The following FHAD1 variants were observed in gnomAD, a reference collection of about 807,000 sequenced individuals.
FHAD1 encodes forkhead associated phosphopeptide binding domain 1.
A neutral mutation model predicts 191.3 loss-of-function variants in FHAD1; 146 were observed. The ratio of observed to expected loss-of-function variants is 0.76; its 90% CI spans 0.67 to 0.88. The LOEUF is 0.88. FHAD1 is among the 40% of genes least tolerant of loss of function. The pLI, the probability that FHAD1 is intolerant of heterozygous loss-of-function variation, is 0.00. For missense variants in FHAD1, 1,635 were observed against 1,785.8 expected, an observed-to-expected ratio of 0.92 and a Z score of 1.52; for synonymous variants, 616 against 672.3, an observed-to-expected ratio of 0.92 and a Z score of 1.29.
At chr1:15,326,093 CTCCTGGCA>C (rs1371895948) in intron 11 of FHAD1, 1 of 152,388 alleles carries the variant, frequency 6.6e-6, no homozygotes, top group Non-Finnish European at 1.5e-5. Context: ...ACCTGGTCTT[CTCCTGGCA>C]GGGTCACTGC....
Position 15,339,503 on chromosome 1 carries a change from T to C in FHAD1, c.1929T>C (p.Tyr643=). 7.8e-7 allele frequency: 1 copy of C among 1,282,162 alleles called. No individual in the cohort carries two copies. Among genetic ancestry groups the C allele is most frequent in the Non-Finnish European group, 1.0e-6 (1 of 974,294 alleles). The allele number at this position is 1,282,162 out of a possible 1,614,324, so 79.4% of individuals were successfully genotyped here. A position where few individuals can be genotyped will look rare whatever the true frequency, so the allele number is the denominator to read the frequency against. Reference sequence around the variant, plus strand: ...AAGGGTTCTCTTTGTATCTGATATATCTTCTGGAACATTATAAAAAACTTA... The same window carrying C: ...AAGGGTTCTCTTTGTATCTGATATACCTTCTGGAACATTATAAAAAACTTA... ...PNKGFSLYLI[Y]LLEHYKKLMS... The change falls in exon 15 of 34, where the codon TAT becomes TAC. Residue 643 remains tyrosine, a synonymous_variant. Transcript: ENST00000688493.
chr1:15,334,899 A>G (rs1558145217), intron 14 of FHAD1, among the ~76,000 whole-genome samples: 1 of 152,150 alleles, frequency 6.6e-6, no homozygotes, highest in Non-Finnish European at 1.5e-5. Flanking sequence ...CCTCCTCCTT[A>G]GAATCTGACA....
chr1:15,399,692 T>C (rs2103252104), downstream of FHAD1, among the ~76,000 whole-genome samples: 1 of 152,258 alleles, frequency 6.6e-6, no homozygotes, highest in South Asian at 2.1e-4. Flanking sequence ...TCCCCAAATA[T>C]AGAGCTGAGA....
At chr1:15,291,699 T>C (rs1558020408) in intron 4 of FHAD1, among the ~76,000 whole-genome samples, 1 of 152,184 alleles carries the variant, frequency 6.6e-6, no homozygotes, top group Non-Finnish European at 1.5e-5. Context: ...AGGATGGCTG[T>C]AGTTCAGGGA....
intron 9 of FHAD1, among the ~76,000 whole-genome samples, chr1:15,317,405 A>G (rs573790559): frequency 5.9e-5 from 9 of 151,938 alleles, no homozygotes; most frequent in African/African-American, 2.2e-4. Flanking sequence ...GGAACATTTT[A>G]CTCTCTGCCT....
chr1:15,336,694 TC>T (rs1684267666), intron 14 of FHAD1, among the ~76,000 whole-genome samples: 2 of 152,208 alleles, frequency 1.3e-5, no homozygotes, highest in Admixed American at 1.3e-4. Flanking sequence ...TCACCTGTGA[TC>T]TTTAAGAAGC....
intron 3 of FHAD1, among the ~76,000 whole-genome samples, chr1:15,284,458 G>T (rs898125589): frequency 7.5e-6 from 1 of 133,688 alleles, no homozygotes; most frequent in East Asian, 2.2e-4. Context: ...CAGCCTGGGC[G>T]ACAGAGCGAG....
intron 33 of FHAD1, among the ~76,000 whole-genome samples, chr1:15,395,274 G>A (rs1463475853): frequency 6.9e-6 from 1 of 145,106 alleles, no homozygotes; most frequent in Non-Finnish European, 1.5e-5. Flanking sequence ...CGCCACTGCA[G>A]TCCAGCCTGG....
chr1:15,369,215 A>C (rs1409348130), intron 25 of FHAD1, among the ~76,000 whole-genome samples, 155 bp from the exon 26 acceptor site: 2 of 152,226 alleles, frequency 1.3e-5, no homozygotes, highest in Non-Finnish European at 2.9e-5. Flanking sequence ...AAGTCCCCTG[A>C]AACTGAATTC....
At chr1:15,274,275 A>C (rs1271934382) in intron 3 of FHAD1, among the ~76,000 whole-genome samples, 3 of 152,204 alleles carry the variant, frequency 2.0e-5, no homozygotes, top group Non-Finnish European at 4.4e-5. Flanking sequence ...AAAGATGTCC[A>C]ACCTTCACTT....
chr1:15,278,686 C>A (rs952578413), intron 3 of FHAD1, among the ~76,000 whole-genome samples: 1 of 152,070 alleles, frequency 6.6e-6, no homozygotes, highest in African/African-American at 2.4e-5. Context: ...GCTGGCCAGG[C>A]TGGTCTGGAA....
intron 20 of FHAD1, among the ~76,000 whole-genome samples, chr1:15,356,170 A>T (rs1335416275): frequency 3.9e-5 from 6 of 152,224 alleles, no homozygotes; most frequent in Non-Finnish European, 5.9e-5. Context: ...ACGATGTGTC[A>T]ACCTTAAATA....
rs114890246 is a variant in FHAD1, at chr1:15,332,043, G to A, written c.1906+2502G>A. Reference sequence around the variant, plus strand: ...TTCCACAATGAATAAGAATAGAGAAGTGATTTTCAACCCTGGCACTTCAAC... The same window carrying A: ...TTCCACAATGAATAAGAATAGAGAAATGATTTTCAACCCTGGCACTTCAAC... On this transcript the variant is annotated intron_variant, in intron 14 of 33. Transcript: ENST00000688493. Among the ~76,000 whole-genome samples, 1,152 of 152,332 alleles carry A rather than the reference G, an allele frequency of 7.6e-3. 16 individuals are homozygous for A. The highest frequency in any genetic ancestry group is 0.027 in the African/African-American group (1,111 of 41,560).
chr1:15,341,706 C>T lies in FHAD1; in HGVS notation c.1978-30C>T, dbSNP rs1569765449. 3 of 1,534,504 alleles carry T rather than the reference C, an allele frequency of 2.0e-6. 1 individual carries two copies. The highest frequency in any genetic ancestry group is 3.9e-4 in the Middle Eastern group (2 of 5,084). On this transcript the variant is annotated intron_variant, in intron 15 of 33. Coordinates refer to ENST00000688493, the MANE Select transcript of FHAD1 (RefSeq NM_001391957.1). ...CTCTTTAGTTAGGCCTGTCCCCCAT[C>T]AGCATCGGTTTACTTTTCTCACATT... is the stretch of plus-strand genomic sequence containing the variant.
rs148836617 is a variant in FHAD1 at position 15,366,568 on chromosome 1, G to A, written c.3154+635G>A. Among the ~76,000 whole-genome samples the A allele has an allele frequency of 1.1e-3, 161 of 152,308 alleles. 2 individuals carry two copies. The highest frequency in any genetic ancestry group is 9.1e-3 in the East Asian group (47 of 5,186). On this transcript the variant is annotated intron_variant, in intron 24 of 33. Transcript: ENST00000688493. ...AAGCAAAGGCTTGGAGGGCAATCCT[G>A]GGATCTCCCTGCAGCAGGCCAGTTT...
intron 3 of FHAD1, among the ~76,000 whole-genome samples, chr1:15,279,316 A>G (rs1253803220): frequency 6.6e-6 from 1 of 152,136 alleles, no homozygotes; most frequent in Non-Finnish European, 1.5e-5. Flanking sequence ...GACTAGCCTA[A>G]GCAAAAGAAG....
At chr1:15,282,008 T>C (rs1325446273) in intron 3 of FHAD1, among the ~76,000 whole-genome samples, 1 of 152,204 alleles carries the variant, frequency 6.6e-6, no homozygotes, top group Non-Finnish European at 1.5e-5. Context: ...TGTCCTAGCC[T>C]TGGCCACTGG....
intron 14 of FHAD1, chr1:15,334,317 T>C (rs1466241503): frequency 2.5e-5 from 3 of 119,436 alleles, no homozygotes; most frequent in East Asian, 2.9e-4. Context: ...AATGCAGCAA[T>C]GTACCAGGCA....
At chr1:15,356,699 G>T (rs1008703831) in intron 20 of FHAD1, among the ~76,000 whole-genome samples, 16 of 151,830 alleles carry the variant, frequency 1.1e-4, no homozygotes, top group Non-Finnish European at 1.6e-4. Context: ...TGGCAAAACC[G>T]CATCTCTGCT....
Sources: gnomAD v4.1 joint callset for allele counts (sites outside exome capture counted in the v4.1 genomes callset) on GRCh38, gnomAD v4.1.1 for gene constraint, MANE v1.5 for transcripts, NCBI Gene and HGNC (gene_info 2026-07-23, HGNC 2026-07-21) for gene names.